The following OIP5 variants were observed in gnomAD, a reference collection of about 807,000 sequenced individuals.
OIP5 encodes protein Mis18-beta.
OIP5 carries 24 observed loss-of-function variants against 20.3 expected under a neutral mutation model. That is an observed-to-expected ratio of 1.18 (90% CI 0.86 to 1.66). The LOEUF is 1.66. OIP5 is among the 40% of genes most tolerant of loss of function. OIP5 has a pLI of 0.00. For missense variants in OIP5, 339 were observed against 289.5 expected, an observed-to-expected ratio of 1.17 and a Z score of -1.24; for synonymous variants, 143 against 121.3, an observed-to-expected ratio of 1.18 and a Z score of -1.17.
rs566410258 is a variant in OIP5, at chr15:41,321,600, GATCCTGTTGATCT to G, written c.390-1833_390-1821del. On this transcript the variant is annotated intron_variant, in intron 2 of 4. Transcript: ENST00000220514. ...ACTAAGAAAAATTCTTCTGCCTTGG[GATCCTGTTGATCT>G]ATGACCTTACCCCCAATCCTGTGCT... Among the ~76,000 whole-genome samples the G allele has an allele frequency of 4.3e-3, 647 of 152,176 alleles. 2 individuals are homozygous for G. Among genetic ancestry groups the G allele is most frequent in the Non-Finnish European group, 7.1e-3 (485 of 68,008 alleles).
intron 2 of OIP5, among the ~76,000 whole-genome samples, chr15:41,320,125 CATT>C (rs1213508398): frequency 6.6e-6 from 1 of 152,196 alleles, no homozygotes; most frequent in Non-Finnish European, 1.5e-5. Flanking sequence ...AAATGGCTAT[CATT>C]ATATAAATTC....
intron 2 of OIP5, among the ~76,000 whole-genome samples, chr15:41,328,363 T>C (rs1052141551): frequency 2.6e-5 from 4 of 152,196 alleles, no homozygotes; most frequent in African/African-American, 9.6e-5. Flanking sequence ...AGTTGATAAG[T>C]GCTCTAGTTT....
chr15:41,331,982 C>G lies in OIP5; in HGVS notation c.323-1G>C. On this transcript the variant is annotated splice_acceptor_variant, in intron 1 of 4. Coordinates refer to ENST00000220514, the MANE Select transcript of OIP5 (RefSeq NM_007280.2). LOFTEE classifies it high-confidence loss of function. ...TCCAAAACGACGTTATTTGTAACTCCTAGGAAGACAAACACGGGTCAGAAC... is the reference window on the plus strand; with the variant it reads ...TCCAAAACGACGTTATTTGTAACTCGTAGGAAGACAAACACGGGTCAGAAC... 5 of 1,613,854 alleles carry G rather than the reference C, an allele frequency of 3.1e-6. No homozygotes were observed. Among genetic ancestry groups the G allele is most frequent in the Non-Finnish European group, 3.4e-6 (4 of 1,179,868 alleles).
intron 2 of OIP5, among the ~76,000 whole-genome samples, chr15:41,325,299 G>A (rs990035408): frequency 7.2e-5 from 11 of 151,984 alleles, no homozygotes; most frequent in African/African-American, 2.2e-4. Flanking sequence ...CCAGCTACTC[G>A]GGAGGCTGAG....
chr15:41,326,875 A>G (rs984133198), intron 2 of OIP5, among the ~76,000 whole-genome samples: 2 of 152,082 alleles, frequency 1.3e-5, no homozygotes, highest in African/African-American at 4.8e-5. Flanking sequence ...GGCACTGGAG[A>G]ATATTATAGG....
intron 2 of OIP5, among the ~76,000 whole-genome samples, chr15:41,321,200 T>TG (rs1421262056): frequency 2.2e-4 from 29 of 133,686 alleles, no homozygotes; most frequent in Admixed American, 9.5e-4. Context: ...AGGAGGGAGG[T>TG]GGGGGGGTCA....
chr15:41,319,026 C>T (rs1474777268), intron 3 of OIP5, among the ~76,000 whole-genome samples: 1 of 152,018 alleles, frequency 6.6e-6, no homozygotes, highest in East Asian at 1.9e-4. Context: ...TTGTCAAAGA[C>T]AGTGCCTGAC....
intron 2 of OIP5, among the ~76,000 whole-genome samples, chr15:41,322,258 G>C (rs1276254341): frequency 6.6e-6 from 1 of 152,088 alleles, no homozygotes; most frequent in African/African-American, 2.4e-5. Flanking sequence ...AGGCAACATG[G>C]TAATACCCCG....
At chr15:41,330,986 C>G (rs1193177345) in intron 2 of OIP5, among the ~76,000 whole-genome samples, 1 of 152,054 alleles carries the variant, frequency 6.6e-6, no homozygotes, top group African/African-American at 2.4e-5. Flanking sequence ...ACTCCTATAG[C>G]GATAGGGAGT....
intron 2 of OIP5, among the ~76,000 whole-genome samples, chr15:41,327,339 G>A (rs539394177): frequency 4.2e-4 from 63 of 151,692 alleles, no homozygotes; most frequent in African/African-American, 1.4e-3. Flanking sequence ...CCACCACCAC[G>A]CCCAGCAAAT....
chr15:41,323,243 C>T (rs965264196), intron 2 of OIP5, among the ~76,000 whole-genome samples: 2 of 152,112 alleles, frequency 1.3e-5, no homozygotes, highest in Admixed American at 1.3e-4. Flanking sequence ...GTAATCCCAG[C>T]ATTTTGGGAG....
At chr15:41,319,177 A>G (rs533896125) in intron 3 of OIP5, among the ~76,000 whole-genome samples, 1 of 151,332 alleles carries the variant, frequency 6.6e-6, no homozygotes, top group Non-Finnish European at 1.5e-5. Context: ...GGTTGAAGCA[A>G]TTCTCTTGCC....
chr15:41,327,172 T>G (rs2047867135), intron 2 of OIP5, among the ~76,000 whole-genome samples: 1 of 151,680 alleles, frequency 6.6e-6, no homozygotes, highest in Admixed American at 6.6e-5. Context: ...ATAGTGTTTG[T>G]GGTATGTTTA....
At chr15:41,321,181 G>A (rs1229156122) in intron 2 of OIP5, among the ~76,000 whole-genome samples, 8 of 150,384 alleles carry the variant, frequency 5.3e-5, no homozygotes, top group Admixed American at 2.0e-4. Flanking sequence ...CCAGCCAGCC[G>A]CCCCGTCCAG....
In OIP5 at chr15:41,332,401, C is replaced by A. The variant is rs1308021510; in HGVS notation, c.161G>T (p.Gly54Val). 6.8e-6 allele frequency: 11 copies of A among 1,613,704 alleles called. No individual in the cohort carries two copies. In the Admixed American group the frequency reaches 8.3e-5, roughly 12 times the overall value. ...VKGSSPLGPA[G>V]LGAEEPAAGP... Reference sequence around the variant, plus strand: ...GGCGGCTGGCTCCTCAGCCCCCAGCCCTGCGGGGCCGAGCGGCGAGGACCC... The same window carrying A: ...GGCGGCTGGCTCCTCAGCCCCCAGCACTGCGGGGCCGAGCGGCGAGGACCC... The change falls in exon 1 of 5, where the codon GGG becomes GTG. Residue 54 changes from glycine to valine, a missense_variant. Physicochemically the swap from Gly to Val is moderately radical, Grantham distance 109. Transcript: ENST00000220514.
At chr15:41,331,853 T>G in intron 2 of OIP5, 62 bp downstream of exon 2, 1 of 1,392,606 alleles carries the variant, frequency 7.2e-7, no homozygotes, top group Non-Finnish European at 1.0e-6. Context: ...TACATGTCAG[T>G]TCCACGATCC....
At position 41,319,717 on chromosome 15, in the gene OIP5, G is replaced by A; in HGVS notation, c.453C>T (p.Thr151=). ...GIPVGFHLYS[T]HAALAALRGH... Reference sequence around the variant, plus strand: ...CTCTCAAGGCAGCCAGGGCAGCATGGGTAGAATACAGATGGAAACCAACGG... The same window carrying A: ...CTCTCAAGGCAGCCAGGGCAGCATGAGTAGAATACAGATGGAAACCAACGG... The change falls in exon 3 of 5, where the codon ACC becomes ACT. Residue 151 remains threonine, a synonymous_variant. Coordinates refer to ENST00000220514, the MANE Select transcript of OIP5 (RefSeq NM_007280.2). The A allele has an allele frequency of 6.2e-7, 1 of 1,613,718 alleles. No homozygotes were observed. The highest frequency in any genetic ancestry group is 1.1e-5 in the South Asian group (1 of 91,052).
At chr15:41,323,572 G>A (rs1369514099) in intron 2 of OIP5, among the ~76,000 whole-genome samples, 5 of 152,078 alleles carry the variant, frequency 3.3e-5, no homozygotes, top group Non-Finnish European at 7.4e-5. Flanking sequence ...CCAGACTCAA[G>A]TGATCCTCCC....
At chr15:41,322,265 C>T (rs1333886553) in intron 2 of OIP5, among the ~76,000 whole-genome samples, 1 of 151,294 alleles carries the variant, frequency 6.6e-6, no homozygotes, top group Non-Finnish European at 1.5e-5. Context: ...ATGGTAATAC[C>T]CCGTCTTAAA....
Sources: gnomAD v4.1 joint callset for allele counts (sites outside exome capture counted in the v4.1 genomes callset) on GRCh38, gnomAD v4.1.1 for gene constraint, MANE v1.5 for transcripts, NCBI Gene and HGNC (gene_info 2026-07-23, HGNC 2026-07-21) for gene names.